FANK1: variants seen among roughly 807,000 people sequenced by gnomAD.
FANK1 encodes the protein fibronectin type 3 and ankyrin repeat domains protein 1.
FANK1 carries 44 observed loss-of-function variants against 45.3 expected under a neutral mutation model. The observed-to-expected ratio is 0.97, with a 90% CI of 0.76 to 1.25. The LOEUF (loss-of-function observed/expected upper bound fraction) is 1.25. FANK1 is among the 50% of genes most tolerant of loss of function. FANK1 has a pLI of 0.00. For missense variants in FANK1, 391 were observed against 424.4 expected, an observed-to-expected ratio of 0.92 and a Z score of 0.69; for synonymous variants, 149 against 152.5, an observed-to-expected ratio of 0.98 and a Z score of 0.17.
At chr10:125,974,748 T>C (rs1461998609) in intron 1 of FANK1, 2 of 152,222 alleles carry the variant, frequency 1.3e-5, no homozygotes, top group African/African-American at 4.8e-5. Context: ...GAATAACTTA[T>C]TTGTCCAGTC....
chr10:125,983,800 G>A lies in FANK1; in HGVS notation c.191+3462G>A, dbSNP rs140031092. Among the ~76,000 whole-genome samples the A allele has an allele frequency of 3.3e-5, 5 of 152,246 alleles. No homozygotes were observed. In the East Asian group the frequency reaches 9.7e-4, roughly 29 times the overall value. On this transcript the variant is annotated intron_variant, in intron 2 of 10. Coordinates refer to ENST00000368693, the MANE Select transcript of FANK1 (RefSeq NM_145235.5). The surrounding 1 kb of genome is among the most constrained non-coding windows in gnomAD (Gnocchi z 4.3). ...AACTCTGGCTTACTCTGAGAGAGGC[G>A]GGGAAAGCCACTGGAGATTGTGAAG...
intron 1 of FANK1, among the ~76,000 whole-genome samples, chr10:125,898,647 G>A (rs1411072412): frequency 6.6e-6 from 1 of 152,136 alleles, no homozygotes; most frequent in Non-Finnish European, 1.5e-5. Context: ...GGGTTGGAAG[G>A]AGGGAGGAGA....
At chr10:125,899,348 C>A (rs112999820) in intron 1 of FANK1, among the ~76,000 whole-genome samples, 2,739 of 152,078 alleles carry the variant, frequency 0.018, 84 homozygotes, top group African/African-American at 0.062. Flanking sequence ...GCGTGAGCCA[C>A]CGTGCCCGGC....
At position 125,988,596 on chromosome 10, in the gene FANK1, G is replaced by T. The variant is rs371738419; in HGVS notation, c.237G>T (p.Thr79=). ...TTGTTGAAGGTCTGGAACCAAGGAC[G>T]CTGTACAGATTTCGCCTGAAGGTCA... The part of the protein sequence containing the change: ...KHVVEGLEPR[T]LYRFRLKVTS... Residue 79 remains threonine (T), a synonymous_variant, in exon 3 of 11, where the codon ACG becomes ACT. Coordinates refer to ENST00000368693, the MANE Select transcript of FANK1 (RefSeq NM_145235.5). 3.7e-5 allele frequency: 59 copies of T among 1,614,104 alleles called. No homozygotes were observed. The highest frequency in any genetic ancestry group is 4.9e-5 in the Non-Finnish European group (58 of 1,180,046).
intron 1 of FANK1, among the ~76,000 whole-genome samples, chr10:125,963,894 A>AT (rs1271908309): frequency 6.6e-6 from 1 of 151,998 alleles, no homozygotes. Context: ...AAGTATAATA[A>AT]TAAAAAAAAA....
In FANK1 at chr10:125,946,907, C is replaced by T. The variant is rs1429021902; in HGVS notation, c.14-33254C>T. On this transcript the variant is annotated intron_variant, in intron 1 of 10. Coordinates refer to ENST00000368693, the MANE Select transcript of FANK1 (RefSeq NM_145235.5). The stretch of plus-strand genomic sequence containing the variant: ...AAAGGGAAGCCCATCAGACTAACAG[C>T]GGATCTCTGGGCAGAAACCCTACAA... Among the ~76,000 whole-genome samples the T allele has an allele frequency of 6.1e-5, 9 of 147,922 alleles. No homozygotes were observed. In the East Asian group the frequency reaches 7.9e-4, roughly 13 times the overall value.
intron 6 of FANK1, among the ~76,000 whole-genome samples, chr10:126,001,002 A>AAT (rs1952717774): frequency 6.6e-6 from 1 of 152,254 alleles, no homozygotes; most frequent in Non-Finnish European, 1.5e-5. Flanking sequence ...GATGCAGTGA[A>AAT]ATAACCTGTA....
At chr10:125,990,705 C>G (rs1312545885) in intron 3 of FANK1, among the ~76,000 whole-genome samples, 1 of 152,026 alleles carries the variant, frequency 6.6e-6, no homozygotes, top group Non-Finnish European at 1.5e-5. Flanking sequence ...CCATTTGGAG[C>G]AATTTTAGGA....
chr10:125,988,930 G>T, intron 3 of FANK1: 1 of 589,204 alleles, frequency 1.7e-6, no homozygotes. Context: ...AGCACAAAAG[G>T]GTGGAGTCAC....
intron 1 of FANK1, among the ~76,000 whole-genome samples, chr10:125,930,887 G>A (rs1189918638): frequency 6.6e-6 from 1 of 151,846 alleles, no homozygotes; most frequent in East Asian, 1.9e-4. Context: ...TTACCCCCAA[G>A]TCCCCAAAGT....
rs1948807505 is a variant in FANK1, at chr10:125,946,449, T to A, written c.14-33712T>A. Reference sequence around the variant, plus strand: ...GAGCTGAAAACCAAGGCTCGAGAACTATGTGAAGAATGCAGAAGCCTCAGG... The same window carrying A: ...GAGCTGAAAACCAAGGCTCGAGAACAATGTGAAGAATGCAGAAGCCTCAGG... On this transcript the variant is annotated intron_variant, in intron 1 of 10. Transcript: ENST00000368693. Among the ~76,000 whole-genome samples, 3 of 151,906 alleles carry A rather than the reference T, an allele frequency of 2.0e-5. No homozygotes were observed. The South Asian group carries it at 6.3e-4, about 32-fold the overall frequency.
chr10:126,000,735 C>T (rs1658471342), intron 6 of FANK1, among the ~76,000 whole-genome samples: 1 of 152,068 alleles, frequency 6.6e-6, no homozygotes, highest in South Asian at 2.1e-4. Context: ...AACTTAATTA[C>T]AATGTTAAGG....
intron 1 of FANK1, among the ~76,000 whole-genome samples, chr10:125,911,373 G>A (rs1288284556): frequency 1.3e-5 from 2 of 152,204 alleles, no homozygotes; most frequent in Non-Finnish European, 2.9e-5. Flanking sequence ...CGCAAGACGC[G>A]TTTTGGACTT....
chr10:125,969,240 C>T (rs1950346857), intron 1 of FANK1, among the ~76,000 whole-genome samples: 1 of 151,192 alleles, frequency 6.6e-6, no homozygotes, highest in Admixed American at 6.6e-5. Context: ...AAAACAAACT[C>T]TTTAGAAAAT....
chr10:125,948,457 A>G (rs1300752297), intron 1 of FANK1, among the ~76,000 whole-genome samples: 1 of 152,226 alleles, frequency 6.6e-6, no homozygotes, highest in Non-Finnish European at 1.5e-5. Context: ...CAGAAATACA[A>G]ACTACCATCA....
At chr10:125,982,999 C>T (rs1218698634) in intron 2 of FANK1, among the ~76,000 whole-genome samples, 1 of 151,560 alleles carries the variant, frequency 6.6e-6, no homozygotes, top group East Asian at 1.9e-4. Context: ...TTGGTGGGTC[C>T]TCCATTGCTT....
intron 1 of FANK1, among the ~76,000 whole-genome samples, chr10:125,929,235 G>C (rs115575791): frequency 0.012 from 1,781 of 152,292 alleles, 21 homozygotes; most frequent in African/African-American, 0.04. Context: ...GAGAGCGAGG[G>C]GAGGAACTGC....
intron 2 of FANK1, among the ~76,000 whole-genome samples, chr10:125,986,488 T>C (rs905002264): frequency 2.6e-5 from 4 of 152,230 alleles, no homozygotes; most frequent in African/African-American, 9.6e-5. Flanking sequence ...AGAATTATGA[T>C]GTTAGAGTTG....
chr10:125,913,581 A>G (rs2886555), intron 1 of FANK1, among the ~76,000 whole-genome samples: 11 of 152,212 alleles, frequency 7.2e-5, no homozygotes, highest in African/African-American at 2.2e-4. Flanking sequence ...TCCAAATAGC[A>G]TATGTTAACT....
Sources: allele counts gnomAD v4.1 joint callset (sites outside exome capture counted in the v4.1 genomes callset), GRCh38; gene constraint gnomAD v4.1.1; non-coding constraint Gnocchi (gnomAD v3.1); transcripts MANE v1.5; gene names NCBI Gene and HGNC (gene_info 2026-07-23, HGNC 2026-07-21).